OGDHL: variants seen among roughly 807,000 people sequenced by gnomAD.
The protein encoded by OGDHL is 2-oxoglutarate dehydrogenase-like, mitochondrial.
Under a neutral mutation model 109.6 loss-of-function variants are expected in OGDHL, and 79 were observed. That is an observed-to-expected ratio of 0.72 (90% CI 0.60 to 0.87). The LOEUF (loss-of-function observed/expected upper bound fraction) is 0.87. Among genes scored for constraint, OGDHL ranks in the 40% least tolerant of loss-of-function variants. OGDHL has a pLI of 0.00. For missense variants in OGDHL, 1,275 were observed against 1,362.2 expected (o/e 0.94, Z 1.01); for synonymous variants, 528 against 537.2 (o/e 0.98, Z 0.24).
rs772674169 is a variant in OGDHL at position 49,735,317 on chromosome 10, T to C, written c.2944A>G (p.Thr982Ala). Residue 982 changes from threonine (T) to alanine (A), a missense_variant, in exon 23 of 23, where the codon ACA becomes GCA. Thr to Ala is a moderately conservative substitution (Grantham distance 58). Coordinates refer to ENST00000374103, the MANE Select transcript of OGDHL (RefSeq NM_018245.3). ...VGRDPAAAPA[T>A]GNRNTHLVSL... ...ACCAGGTGAGTGTTCCTGTTTCCTG[T>C]GGCTGGTGCAGCCGCTGGGTCCCGG... is the stretch of plus-strand genomic sequence containing the variant. 6.2e-7 allele frequency: 1 copy of C among 1,613,964 alleles called. No individual in the cohort carries two copies.
At chr10:49,752,429 C>G (rs950425880) in intron 4 of OGDHL, among the ~76,000 whole-genome samples, 181 bp from the exon 5 acceptor site, 2 of 152,158 alleles carry the variant, frequency 1.3e-5, no homozygotes, top group Non-Finnish European at 1.5e-5. Context: ...GCCTCTCAGG[C>G]TTGAACACAT....
chr10:49,737,514 C>G (rs1355227648), intron 20 of OGDHL, among the ~76,000 whole-genome samples: 1 of 152,210 alleles, frequency 6.6e-6, no homozygotes, highest in Non-Finnish European at 1.5e-5. Flanking sequence ...GCGAACTCAG[C>G]AGGCCTCTGC....
intron 3 of OGDHL, 139 bp downstream of exon 3, chr10:49,756,637 G>T (rs972305521): frequency 7.8e-5 from 62 of 792,486 alleles, no homozygotes; most frequent in Admixed American, 3.1e-4. Context: ...GGCTAGAGGA[G>T]TAGGTGCCGC....
chr10:49,743,115 G>A, intron 14 of OGDHL, 137 bp from the exon 15 acceptor site: 6 of 1,147,636 alleles, frequency 5.2e-6, no homozygotes, highest in Non-Finnish European at 7.2e-6. Flanking sequence ...TGCTGCAGGA[G>A]GGCCCAGGGC....
At chr10:49,757,877 G>A (rs939674181) in intron 2 of OGDHL, among the ~76,000 whole-genome samples, 1 of 152,206 alleles carries the variant, frequency 6.6e-6, no homozygotes, top group Non-Finnish European at 1.5e-5. Flanking sequence ...GGGACAGTGG[G>A]AACTGAGCAG....
intron 17 of OGDHL, 113 bp from the exon 18 acceptor site, chr10:49,738,375 C>T (rs1841381535): frequency 2.8e-6 from 3 of 1,072,180 alleles, no homozygotes; most frequent in Non-Finnish European, 4.2e-6. Context: ...GCAGAGGTGC[C>T]CTCACCCTGG....
intron 2 of OGDHL, 23 bp from the exon 3 acceptor site, chr10:49,756,969 C>T (rs369707105): frequency 1.9e-4 from 304 of 1,604,540 alleles, no homozygotes; most frequent in Non-Finnish European, 2.4e-4. Context: ...GAAACAAGAA[C>T]GCAGCCAGGT....
At chr10:49,742,332 G>A (rs1248630912) in intron 15 of OGDHL, among the ~76,000 whole-genome samples, 2 of 13,170 alleles carry the variant, frequency 1.5e-4, no homozygotes, top group African/African-American at 2.8e-4. Flanking sequence ...CACCACACAC[G>A]ACACACACCA....
In OGDHL at chr10:49,736,124, A is replaced by C; in HGVS notation, c.2808T>G (p.Gly936=). ...CCTCCTGACACCAGGCCAGCTCCGC[A>C]CCTGGGTACTTCTCTGCCTCCTGCT... ...LIKQEAEKYP[G]AELAWCQEEH... is the part of the protein sequence containing the mutation. Residue 936 remains glycine (G), a synonymous_variant, in exon 22 of 23, where the codon GGT becomes GGG. Coordinates refer to ENST00000374103, the MANE Select transcript of OGDHL (RefSeq NM_018245.3). 2 of 1,611,572 alleles carry C rather than the reference A, an allele frequency of 1.2e-6. No individual in the cohort carries two copies. Among genetic ancestry groups the C allele is most frequent in the Non-Finnish European group, 1.7e-6 (2 of 1,178,682 alleles).
At chr10:49,759,298 G>T (rs374500975) in intron 1 of OGDHL, among the ~76,000 whole-genome samples, 17 of 151,960 alleles carry the variant, frequency 1.1e-4, no homozygotes, top group Admixed American at 1.0e-3. Flanking sequence ...GGTCTGGAGG[G>T]GCAGGAAGAG....
At position 49,735,052 on chromosome 10, in the gene OGDHL, A is replaced by C; in HGVS notation, c.*176T>G. 1.4e-6 allele frequency: 1 copy of C among 699,118 alleles called. No individual in the cohort carries two copies. The highest frequency in any genetic ancestry group is 2.3e-6 in the Non-Finnish European group (1 of 432,762). 43.3% of individuals were successfully genotyped at this position (699,118 alleles called of 1,614,324 possible). ...CTCCTCTGGCTCCCTCAGTCCTGGT[A>C]GATTCTGGCATGACACCAAGGCCAG... On this transcript the variant is annotated 3_prime_UTR_variant, in exon 23 of 23. Transcript: ENST00000374103.
At chr10:49,742,164 C>T (rs1258132524) in intron 15 of OGDHL, among the ~76,000 whole-genome samples, 3 of 131,212 alleles carry the variant, frequency 2.3e-5, no homozygotes, top group African/African-American at 5.9e-5. Context: ...ATCACACACA[C>T]CATACACGCC....
Position 49,745,392 on chromosome 10 carries a change from G to C in OGDHL, c.1581C>G (p.Tyr527Ter), listed in dbSNP as rs564954722. ...IHRQVPVLKK[Y>*]ADKLIAEGTV... Reference sequence around the variant, plus strand: ...TGCCCTCGGCAATCAGCTTGTCTGCGTACTTCTTCAGCACAGGCACCTGTC... The same window carrying C: ...TGCCCTCGGCAATCAGCTTGTCTGCCTACTTCTTCAGCACAGGCACCTGTC... The change falls in exon 12 of 23, where the codon TAC becomes TAG. Residue 527 changes from tyrosine (Y) to a stop codon, truncating the protein, a stop_gained. Transcript: ENST00000374103. LOFTEE classifies it high-confidence loss of function. 3 of 1,613,958 alleles carry C rather than the reference G, an allele frequency of 1.9e-6. No homozygotes were observed. Among genetic ancestry groups the C allele is most frequent in the African/African-American group, 2.7e-5 (2 of 74,922 alleles).
chr10:49,754,474 C>A (rs552220722), intron 3 of OGDHL, among the ~76,000 whole-genome samples: 1 of 152,304 alleles, frequency 6.6e-6, no homozygotes, highest in South Asian at 2.1e-4. Flanking sequence ...GTCTTTCCTA[C>A]ACAATCTGCA....
intron 2 of OGDHL, among the ~76,000 whole-genome samples, chr10:49,757,947 G>A (rs1391210446): frequency 6.6e-6 from 1 of 152,206 alleles, no homozygotes; most frequent in African/African-American, 2.4e-5. Flanking sequence ...TTCTGGCTTT[G>A]GATCATGTGA....
At chr10:49,760,431 A>G (rs530153976) in intron 1 of OGDHL, among the ~76,000 whole-genome samples, 32 of 152,352 alleles carry the variant, frequency 2.1e-4, no homozygotes, top group African/African-American at 7.2e-4. Context: ...ACTATCCTAG[A>G]GGCCTGGGCA....
intron 1 of OGDHL, among the ~76,000 whole-genome samples, chr10:49,760,817 C>T (rs1843226734): frequency 6.6e-6 from 1 of 152,208 alleles, no homozygotes; most frequent in Admixed American, 6.5e-5. Context: ...AATATGTAAG[C>T]CAGATTTCTC....
At chr10:49,762,043 G>A (rs920603746) in intron 1 of OGDHL, among the ~76,000 whole-genome samples, 196 bp downstream of exon 1, 2 of 152,178 alleles carry the variant, frequency 1.3e-5, no homozygotes, top group African/African-American at 4.8e-5. Flanking sequence ...GGGGTCCCGG[G>A]GGAGGCCACG....
At chr10:49,740,588 TC>T in intron 16 of OGDHL, 121 bp downstream of exon 16, 1 of 1,227,610 alleles carries the variant, frequency 8.1e-7, no homozygotes, top group Non-Finnish European at 1.1e-6. Flanking sequence ...CCCAGGGCCA[TC>T]CCCTAAGGGC....
Sources: gnomAD v4.1 joint callset for allele counts (sites outside exome capture counted in the v4.1 genomes callset) on GRCh38, gnomAD v4.1.1 for gene constraint, MANE v1.5 for transcripts, NCBI Gene and HGNC (gene_info 2026-07-23, HGNC 2026-07-21) for gene names.